The following ASB13 variants were observed in gnomAD, a reference collection of about 807,000 sequenced individuals.
ASB13 encodes ankyrin repeat and SOCS box containing 13.
ASB13 carries 33 observed loss-of-function variants against 28.8 expected under a neutral mutation model. The observed-to-expected ratio is 1.15, with a 90% CI of 0.87 to 1.53. ASB13 has a LOEUF of 1.53. ASB13 is among the 40% of genes most tolerant of loss of function. The pLI, the probability that ASB13 is intolerant of heterozygous loss-of-function variation, is 0.00. For synonymous variants in ASB13, 182 were observed against 172.9 expected (o/e 1.05, Z -0.41); for missense variants, 414 against 390.1 (o/e 1.06, Z -0.52).
chr10:5,666,013 T>C (rs75365661), intron 1 of ASB13, among the ~76,000 whole-genome samples: 24,098 of 152,234 alleles, frequency 0.16, 2,501 homozygotes, highest in East Asian at 0.51. Context: ...CCACCTTCAC[T>C]GGAGCGGAGT....
At position 5,663,057 on chromosome 10, in the gene ASB13, C is replaced by T. The variant is rs552551670; in HGVS notation, c.43+3452G>A. ...CTTTTTAAATGTTTTCATTATGAAT[C>T]CCCAAAATATAGTTTGTCGGTAAAC... On this transcript the variant is annotated intron_variant, in intron 1 of 5. Transcript: ENST00000357700. The surrounding 1 kb of genome is among the most constrained non-coding windows in gnomAD (Gnocchi z 4.9). Among the ~76,000 whole-genome samples, 4 of 152,228 alleles carry T rather than the reference C, an allele frequency of 2.6e-5. No homozygotes were observed. In the South Asian group the frequency reaches 8.3e-4, roughly 32 times the overall value.
In ASB13 at chr10:5,642,060, A is replaced by G; in HGVS notation, c.518-99T>C. On this transcript the variant is annotated intron_variant, in intron 4 of 5. Transcript: ENST00000357700. This position sits in a 1 kb window ranked among gnomAD's most constrained non-coding sequence, Gnocchi z 4.1. Reference sequence around the variant, plus strand: ...CGTCACACAGCACGGTGGCAGAAGCAATCCCCACCCAGAAGACAAAATCAG... The same window carrying G: ...CGTCACACAGCACGGTGGCAGAAGCGATCCCCACCCAGAAGACAAAATCAG... 1.7e-6 allele frequency: 2 copies of G among 1,175,200 alleles called. No homozygotes were observed. Among genetic ancestry groups the G allele is most frequent in the Non-Finnish European group, 2.4e-6 (2 of 825,258 alleles). 72.8% of individuals were successfully genotyped at this position (1,175,200 alleles called of 1,614,324 possible). A position where few individuals can be genotyped will look rare whatever the true frequency, so the allele number is the denominator to read the frequency against.
Position 5,660,497 on chromosome 10 carries a change from G to C in ASB13, c.43+6012C>G, listed in dbSNP as rs928590213. On this transcript the variant is annotated intron_variant, in intron 1 of 5. Coordinates refer to ENST00000357700, the MANE Select transcript of ASB13 (RefSeq NM_024701.4). The surrounding 1 kb of genome is among the most constrained non-coding windows in gnomAD (Gnocchi z 6.1). ...CTACCCTCAGGGAGCAGACTCTACA[G>C]GGGCAAGCTGCAGGAACCACCCTGC... Among the ~76,000 whole-genome samples the C allele has an allele frequency of 6.6e-6, 1 of 152,182 alleles. No individual in the cohort carries two copies. Among genetic ancestry groups the C allele is most frequent in the African/African-American group, 2.4e-5 (1 of 41,444 alleles).
In ASB13 at chr10:5,661,219, C is replaced by G. The variant is rs1010259640; in HGVS notation, c.43+5290G>C. Among the ~76,000 whole-genome samples the G allele has an allele frequency of 5.3e-5, 8 of 152,124 alleles. No individual in the cohort carries two copies. Among genetic ancestry groups the G allele is most frequent in the Non-Finnish European group, 8.8e-5 (6 of 68,020 alleles). ...CTGCACACTGCAGAGCTGGGCACCT[C>G]CAGAGCCCATCCTCCACACTGCCCT... On this transcript the variant is annotated intron_variant, in intron 1 of 5. Coordinates refer to ENST00000357700, the MANE Select transcript of ASB13 (RefSeq NM_024701.4). This position sits in a 1 kb window ranked among gnomAD's most constrained non-coding sequence, Gnocchi z 4.9.
In ASB13 at chr10:5,663,217, A is replaced by G. The variant is rs1835203892; in HGVS notation, c.43+3292T>C. 1.3e-5 allele frequency among the ~76,000 whole-genome samples: 2 copies of G among 152,234 alleles called. No individual in the cohort carries two copies. The highest frequency in any genetic ancestry group is 2.9e-5 in the Non-Finnish European group (2 of 68,034). ...AGAAAGGGAAAGAATAAATGAAAGC[A>G]GAAGACAAGGAGAAAAGAGGTGAAA... On this transcript the variant is annotated intron_variant, in intron 1 of 5. Transcript: ENST00000357700. The surrounding 1 kb of genome is among the most constrained non-coding windows in gnomAD (Gnocchi z 4.9).
chr10:5,658,042 C>A lies in ASB13; in HGVS notation c.44-4992G>T, dbSNP rs1835099607. Among the ~76,000 whole-genome samples the A allele has an allele frequency of 6.6e-6, 1 of 152,240 alleles. No homozygotes were observed. Among genetic ancestry groups the A allele is most frequent in the African/African-American group, 2.4e-5 (1 of 41,536 alleles). On this transcript the variant is annotated intron_variant, in intron 1 of 5. Transcript: ENST00000357700. The surrounding 1 kb of genome is among the most constrained non-coding windows in gnomAD (Gnocchi z 4.2). ...TGTAATCCATGGTGCTTCAGTAGTG[C>A]CAGCTACTCAGAGGCTGAGGCACGA...
In ASB13 at chr10:5,650,654, C is replaced by A. The variant is rs1043319368; in HGVS notation, c.382+559G>T. Among the ~76,000 whole-genome samples the A allele has an allele frequency of 2.6e-4, 39 of 152,260 alleles. No homozygotes were observed. The highest frequency in any genetic ancestry group is 2.1e-3 in the Admixed American group (32 of 15,288). ...ACCCTAAATTCCAGTCCTCTCTGCT[C>A]CACTGGGAGCTTCTGATGCAGTAAG... On this transcript the variant is annotated intron_variant, in intron 3 of 5. Coordinates refer to ENST00000357700, the MANE Select transcript of ASB13 (RefSeq NM_024701.4). This position sits in a 1 kb window ranked among gnomAD's most constrained non-coding sequence, Gnocchi z 6.0.
chr10:5,654,166 A>T (rs1200571076), intron 1 of ASB13, among the ~76,000 whole-genome samples: 4 of 125,956 alleles, frequency 3.2e-5, no homozygotes, highest in Non-Finnish European at 3.3e-5. Context: ...TTTTTGTCTC[A>T]GTCAATCATA....
intron 4 of ASB13, among the ~76,000 whole-genome samples, chr10:5,646,411 C>T (rs1241542390): frequency 6.6e-6 from 1 of 152,200 alleles, no homozygotes; most frequent in Admixed American, 6.5e-5. Flanking sequence ...AGGGATTTTC[C>T]ACTCCGCTGA....
rs1834867227 is a variant in ASB13, at chr10:5,645,361, C to G, written c.518-3400G>C. ...GCTAAGAACAAAGGTGGAAGCAGGA[C>G]CGTCCTCAGGGAGCCGCTTCCGAAC... is the stretch of plus-strand genomic sequence containing the variant. On this transcript the variant is annotated intron_variant, in intron 4 of 5. Coordinates refer to ENST00000357700, the MANE Select transcript of ASB13 (RefSeq NM_024701.4). This position sits in a 1 kb window ranked among gnomAD's most constrained non-coding sequence, Gnocchi z 5.4. 6.6e-6 allele frequency among the ~76,000 whole-genome samples: 1 copy of G among 152,088 alleles called. No individual in the cohort carries two copies. The highest frequency in any genetic ancestry group is 2.4e-5 in the African/African-American group (1 of 41,394).
Position 5,655,010 on chromosome 10 carries a change from G to C in ASB13, c.44-1960C>G, listed in dbSNP as rs551712516. 6.6e-6 allele frequency among the ~76,000 whole-genome samples: 1 copy of C among 152,092 alleles called. No individual in the cohort carries two copies. Among genetic ancestry groups the C allele is most frequent in the South Asian group, 2.1e-4 (1 of 4,820 alleles). Reference sequence around the variant, plus strand: ...CCCGCCACTTGGGAGGCTGAGGCAGGAGAATCACTTGAACCCGGGAGGCGG... The same window carrying C: ...CCCGCCACTTGGGAGGCTGAGGCAGCAGAATCACTTGAACCCGGGAGGCGG... On this transcript the variant is annotated intron_variant, in intron 1 of 5. Transcript: ENST00000357700. This position sits in a 1 kb window ranked among gnomAD's most constrained non-coding sequence, Gnocchi z 6.2.
Position 5,642,798 on chromosome 10 carries a change from C to T in ASB13, c.518-837G>A, listed in dbSNP as rs960148273. ...AGTTGCTGGGATGACAGGTGTGCCACCATGCCCGGCTAATTTTTCTATTTT... is the reference window on the plus strand; with the variant it reads ...AGTTGCTGGGATGACAGGTGTGCCATCATGCCCGGCTAATTTTTCTATTTT... On this transcript the variant is annotated intron_variant, in intron 4 of 5. Transcript: ENST00000357700. The surrounding 1 kb of genome is among the most constrained non-coding windows in gnomAD (Gnocchi z 4.1). Among the ~76,000 whole-genome samples the T allele has an allele frequency of 6.6e-6, 1 of 152,086 alleles. No homozygotes were observed. The highest frequency in any genetic ancestry group is 2.4e-5 in the African/African-American group (1 of 41,406).
At position 5,649,471 on chromosome 10, in the gene ASB13, C is replaced by A. The variant is rs1411615630; in HGVS notation, c.383-367G>T. ...CACTGAGCCCAGCCTCCCAGGAAAC[C>A]CCCCAGACTTTCTTATGCAGGTCAT... is the stretch of plus-strand genomic sequence containing the variant. On this transcript the variant is annotated intron_variant, in intron 3 of 5. Transcript: ENST00000357700. The surrounding 1 kb of genome is among the most constrained non-coding windows in gnomAD (Gnocchi z 6.4). Among the ~76,000 whole-genome samples the A allele has an allele frequency of 1.3e-5, 2 of 151,982 alleles. No individual in the cohort carries two copies. The highest frequency in any genetic ancestry group is 2.4e-5 in the African/African-American group (1 of 41,406).
chr10:5,654,242 G>A (rs957059701), intron 1 of ASB13, among the ~76,000 whole-genome samples: 8 of 150,600 alleles, frequency 5.3e-5, no homozygotes, highest in East Asian at 2.0e-4. Context: ...GAGAGTCTGC[G>A]AAGAGGCCTC....
intron 4 of ASB13, among the ~76,000 whole-genome samples, chr10:5,648,268 T>TAAACACCCACGTGGGC (rs1329081600): frequency 1.9e-5 from 2 of 107,314 alleles, no homozygotes; most frequent in African/African-American, 3.7e-5. Flanking sequence ...CCCACTCAGG[T>TAAACACCCACGTGGGC]AAACACCCAC....
At position 5,649,066 on chromosome 10, in the gene ASB13, C is replaced by T. The variant is rs982311613; in HGVS notation, c.421G>A (p.Ala141Thr). The T allele has an allele frequency of 6.2e-7, 1 of 1,614,236 alleles. No homozygotes were observed. Among genetic ancestry groups the T allele is most frequent in the Non-Finnish European group, 8.5e-7 (1 of 1,180,044 alleles). The change falls in exon 4 of 6, where the codon GCC (alanine) becomes ACC (threonine). Residue 141 changes from alanine to threonine, a missense_variant. Transcript: ENST00000357700. The surrounding 1 kb of genome is among the most constrained non-coding windows in gnomAD (Gnocchi z 6.4). ...ECVRLLIDVG[A>T]NLEAHDCHFG... ...TGGCAATCGTGCGCTTCCAGATTGG[C>T]CCCGACGTCAATAAGAAGCCTCACA...
rs941872298 is a variant in ASB13 at position 5,658,188 on chromosome 10, G to A, written c.44-5138C>T. Among the ~76,000 whole-genome samples, 1 of 151,688 alleles carries A rather than the reference G, an allele frequency of 6.6e-6. No homozygotes were observed. The highest frequency in any genetic ancestry group is 1.5e-5 in the Non-Finnish European group (1 of 67,944). ...TAAATAAATAAATACGCTATTTCTG[G>A]CCAGGTGCAGTGGCTCAAAACTCTA... On this transcript the variant is annotated intron_variant, in intron 1 of 5. Transcript: ENST00000357700. The surrounding 1 kb of genome is among the most constrained non-coding windows in gnomAD (Gnocchi z 4.2).
chr10:5,662,015 G>A (rs1384413450), intron 1 of ASB13, among the ~76,000 whole-genome samples: 2 of 152,126 alleles, frequency 1.3e-5, no homozygotes, highest in Admixed American at 6.5e-5. Context: ...GCTGGGGCGG[G>A]CGAGCACACA....
chr10:5,665,708 T>C (rs903019564), intron 1 of ASB13, among the ~76,000 whole-genome samples: 1 of 152,236 alleles, frequency 6.6e-6, no homozygotes, highest in African/African-American at 2.4e-5. Context: ...TGCCTTGCTA[T>C]GACTGCAACT....
Sources: gnomAD v4.1 joint callset for allele counts (sites outside exome capture counted in the v4.1 genomes callset) on GRCh38, gnomAD v4.1.1 for gene constraint, Gnocchi (gnomAD v3.1) non-coding constraint, MANE v1.5 for transcripts, NCBI Gene and HGNC (gene_info 2026-07-23, HGNC 2026-07-21) for gene names.